The following DENND5B variants were observed in gnomAD, a reference collection of about 807,000 sequenced individuals.
DENND5B encodes the protein DENN domain containing 5B, also known as DENN domain-containing protein 5B.
A neutral mutation model predicts 140.6 loss-of-function variants in DENND5B; 34 were observed. The ratio of observed to expected loss-of-function variants is 0.24; its 90% CI spans 0.18 to 0.32. The LOEUF is 0.32. Ranked by LOEUF, DENND5B falls within the 10% of genes least tolerant of loss-of-function variation. DENND5B has a pLI of 1.00. For missense variants in DENND5B, 1,142 were observed against 1,560.2 expected (o/e 0.73, Z 4.52); for synonymous variants, 551 against 562.1 (o/e 0.98, Z 0.28).
intron 1 of DENND5B, among the ~76,000 whole-genome samples, chr12:31,583,502 C>T (rs1950280815): frequency 6.6e-6 from 1 of 151,544 alleles, no homozygotes; most frequent in Non-Finnish European, 1.5e-5. Flanking sequence ...CATGATGAAA[C>T]TCCGTCTCTA....
At chr12:31,543,455 G>A (rs1216633511) in intron 1 of DENND5B, among the ~76,000 whole-genome samples, 1 of 152,030 alleles carries the variant, frequency 6.6e-6, no homozygotes, top group Non-Finnish European at 1.5e-5. Flanking sequence ...TAAGGTAAGT[G>A]ACTTATAAAA....
At chr12:31,480,925 T>C (rs1946045514) in intron 2 of DENND5B, among the ~76,000 whole-genome samples, 1 of 152,172 alleles carries the variant, frequency 6.6e-6, no homozygotes, top group African/African-American at 2.4e-5. Flanking sequence ...TCTTGGGAAC[T>C]ACCCAGGATT....
At chr12:31,499,590 T>C in intron 1 of DENND5B, 1 of 1,480,824 alleles carries the variant, frequency 6.8e-7, no homozygotes, top group Admixed American at 2.5e-5. Context: ...ATCCTTGTTC[T>C]TAATTTTATT....
At chr12:31,409,476 T>TA in intron 13 of DENND5B, 92 bp from the exon 14 acceptor site, 3 of 162,166 alleles carry the variant, frequency 1.8e-5, no homozygotes, top group Non-Finnish European at 2.2e-5. Flanking sequence ...CATTATGTCT[T>TA]TTTTTTTTTT....
At chr12:31,558,869 T>C (rs769852889) in intron 1 of DENND5B, among the ~76,000 whole-genome samples, 1 of 152,174 alleles carries the variant, frequency 6.6e-6, no homozygotes, top group African/African-American at 2.4e-5. Flanking sequence ...TACTAACAAA[T>C]GCAACTAACA....
At chr12:31,451,024 C>T (rs1944491957) in intron 5 of DENND5B, among the ~76,000 whole-genome samples, 2 of 152,166 alleles carry the variant, frequency 1.3e-5, no homozygotes, top group Admixed American at 6.5e-5. Flanking sequence ...TTGTTTTACA[C>T]TTACAGCCAT....
chr12:31,446,043 T>C (rs905523974), intron 6 of DENND5B, among the ~76,000 whole-genome samples: 75 of 152,016 alleles, frequency 4.9e-4, no homozygotes, highest in African/African-American at 1.8e-3. Flanking sequence ...ACACCTGGCA[T>C]GATGACTGAC....
chr12:31,490,259 G>A (rs1371468645), intron 2 of DENND5B, among the ~76,000 whole-genome samples: 1 of 151,794 alleles, frequency 6.6e-6, no homozygotes, highest in Non-Finnish European at 1.5e-5. Context: ...GGGTGGCGGG[G>A]GCAAAAGGGT....
chr12:31,417,997 G>T (rs1270186582), intron 11 of DENND5B, among the ~76,000 whole-genome samples: 2 of 152,186 alleles, frequency 1.3e-5, no homozygotes, highest in Non-Finnish European at 2.9e-5. Context: ...GGTGTATTCG[G>T]ATCCCTATGC....
intron 1 of DENND5B, among the ~76,000 whole-genome samples, chr12:31,523,859 C>T (rs1947991636): frequency 6.6e-6 from 1 of 152,280 alleles, no homozygotes; most frequent in South Asian, 2.1e-4. Flanking sequence ...TGTGATGGGA[C>T]TCTGAGAGAA....
At chr12:31,546,069 T>A (rs1468035497) in intron 1 of DENND5B, among the ~76,000 whole-genome samples, 1 of 151,920 alleles carries the variant, frequency 6.6e-6, no homozygotes, top group Non-Finnish European at 1.5e-5. Context: ...CTAGTGTTTG[T>A]ACTTTCAAGT....
intron 17 of DENND5B, among the ~76,000 whole-genome samples, chr12:31,397,270 C>T (rs997627493): frequency 7.9e-5 from 12 of 152,042 alleles, no homozygotes; most frequent in South Asian, 2.1e-4. Flanking sequence ...GACACTGGGG[C>T]GGGCGTGGTG....
At chr12:31,481,597 G>A (rs1258137800) in intron 2 of DENND5B, among the ~76,000 whole-genome samples, 1 of 152,188 alleles carries the variant, frequency 6.6e-6, no homozygotes, top group African/African-American at 2.4e-5. Context: ...GAAGATTCCA[G>A]GCAGAGAGGA....
intron 1 of DENND5B, among the ~76,000 whole-genome samples, chr12:31,509,574 T>C (rs769430436): frequency 3.3e-5 from 5 of 152,158 alleles, no homozygotes; most frequent in Non-Finnish European, 7.3e-5. Flanking sequence ...TTAAAAAAGT[T>C]TGGTTGTTTT....
At chr12:31,551,421 T>C (rs1260426760) in intron 1 of DENND5B, among the ~76,000 whole-genome samples, 1 of 152,208 alleles carries the variant, frequency 6.6e-6, no homozygotes, top group East Asian at 1.9e-4. Flanking sequence ...CATTGATCTA[T>C]ATCTCTGTTT....
At chr12:31,504,843 T>C (rs1273339968) in intron 1 of DENND5B, among the ~76,000 whole-genome samples, 2 of 152,178 alleles carry the variant, frequency 1.3e-5, no homozygotes, top group Non-Finnish European at 2.9e-5. Context: ...AATGACGTCA[T>C]TTCCGGGTCA....
intron 1 of DENND5B, among the ~76,000 whole-genome samples, chr12:31,583,018 G>A (rs982769069): frequency 1.3e-5 from 2 of 152,200 alleles, no homozygotes; most frequent in African/African-American, 2.4e-5. Context: ...AACAGGCCAG[G>A]CGTGGTGGCT....
At chr12:31,430,218 T>A (rs1943447270) in intron 8 of DENND5B, among the ~76,000 whole-genome samples, 1 of 148,850 alleles carries the variant, frequency 6.7e-6, no homozygotes. Flanking sequence ...AGGCGGGGTT[T>A]CACCATGTTG....
chr12:31,395,521 A>G (rs752469621), intron 17 of DENND5B, among the ~76,000 whole-genome samples: 1 of 152,186 alleles, frequency 6.6e-6, no homozygotes, highest in Non-Finnish European at 1.5e-5. Context: ...TGAACCTGGG[A>G]AGCGGAGGTT....
Sources: gnomAD v4.1 joint callset for allele counts (sites outside exome capture counted in the v4.1 genomes callset) on GRCh38, gnomAD v4.1.1 for gene constraint, MANE v1.5 for transcripts, NCBI Gene and HGNC (gene_info 2026-07-23, HGNC 2026-07-21) for gene names.